PCDHGA7: variants seen among roughly 807,000 people sequenced by gnomAD.
The protein encoded by PCDHGA7 is protocadherin gamma subfamily A, 7.
A neutral mutation model predicts 58.3 loss-of-function variants in PCDHGA7; 44 were observed. That is an observed-to-expected ratio of 0.75 (90% CI 0.59 to 0.97). The LOEUF (loss-of-function observed/expected upper bound fraction) is 0.97. Among genes scored for constraint, PCDHGA7 ranks in the 50% least tolerant of loss-of-function variants. The pLI is 0.00. For synonymous variants in PCDHGA7, 516 were observed against 504.2 expected, an observed-to-expected ratio of 1.02 and a Z score of -0.31; for missense variants, 1,266 against 1,188.7, an observed-to-expected ratio of 1.06 and a Z score of -0.96.
chr5:141,398,858 G>C, intron 1 of PCDHGA7: 2 of 1,613,986 alleles, frequency 1.2e-6, no homozygotes, highest in Non-Finnish European at 1.7e-6. Flanking sequence ...GTATTCAACC[G>C]AGACGTGTAC....
intron 1 of PCDHGA7, chr5:141,393,329 C>T: frequency 6.2e-7 from 1 of 1,611,240 alleles, no homozygotes; most frequent in South Asian, 1.1e-5. Flanking sequence ...GCTACCAGCT[C>T]AGCCCCAATC....
chr5:141,420,920 A>G, intron 1 of PCDHGA7: 1 of 338,894 alleles, frequency 3.0e-6, no homozygotes, highest in Middle Eastern at 8.3e-4. Flanking sequence ...GTGATTCACA[A>G]AGGTGAGCGT....
chr5:141,419,494 T>A, intron 1 of PCDHGA7: 1 of 1,612,380 alleles, frequency 6.2e-7, no homozygotes, highest in Non-Finnish European at 8.5e-7. Context: ...TCAGCGCCAA[T>A]GTGAGCCTGC....
chr5:141,397,841 C>A (rs996938995), intron 1 of PCDHGA7: 31 of 520,424 alleles, frequency 6.0e-5, no homozygotes, highest in Middle Eastern at 4.9e-4. Context: ...AACTTGAAGC[C>A]GCAGAGGCTG....
At chr5:141,423,821 C>A (rs2096784513) in intron 1 of PCDHGA7, 1 of 1,272,728 alleles carries the variant, frequency 7.9e-7, no homozygotes, top group Admixed American at 3.9e-5. Context: ...TTTACTTTGC[C>A]TTTCATGAGA....
At chr5:141,442,754 T>C (rs2098341364) in intron 1 of PCDHGA7, among the ~76,000 whole-genome samples, 1 of 152,220 alleles carries the variant, frequency 6.6e-6, no homozygotes, top group Non-Finnish European at 1.5e-5. Flanking sequence ...GTTTTGATTA[T>C]ATATATTTGT....
chr5:141,394,174 A>T, intron 1 of PCDHGA7: 1 of 1,613,824 alleles, frequency 6.2e-7, no homozygotes, highest in Non-Finnish European at 8.5e-7. Flanking sequence ...ACTTTCCCTC[A>T]TGCCTCCTAC....
At chr5:141,388,376 C>T in intron 1 of PCDHGA7, 3 of 1,613,944 alleles carry the variant, frequency 1.9e-6, no homozygotes, top group Non-Finnish European at 2.5e-6. Context: ...ATATTGGTAG[C>T]AACACACTGC....
Position 141,476,990 on chromosome 5 carries a change from C to T in PCDHGA7, c.2425-17817C>T, listed in dbSNP as rs2099402882. ...CGGCAGCCACAACCGCGCCGGCGTGCGGCAACTATTCGCCTTAGACCTTGT... is the reference window on the plus strand; with the variant it reads ...CGGCAGCCACAACCGCGCCGGCGTGTGGCAACTATTCGCCTTAGACCTTGT... On this transcript the variant is annotated intron_variant, in intron 1 of 3. Coordinates refer to ENST00000518325, the MANE Select transcript of PCDHGA7 (RefSeq NM_018920.4). The surrounding 1 kb of genome is among the most constrained non-coding windows in gnomAD (Gnocchi z 7.6). 6.2e-7 allele frequency: 1 copy of T among 1,614,220 alleles called. No individual in the cohort carries two copies. The highest frequency in any genetic ancestry group is 8.5e-7 in the Non-Finnish European group (1 of 1,180,046).
rs757663132 is a variant in PCDHGA7 at position 141,510,991 on chromosome 5, A to G, written c.2617A>G (p.Met873Val). ...CACCCTGGGAGGGGGTGCCGGCACC[A>G]TGGGATTGAGCGCCCGCTACGGACC... is the stretch of plus-strand genomic sequence containing the variant. ...SSTLGGGAGT[M>V]GLSARYGPQF... is the part of the protein sequence containing the mutation. Residue 873 changes from methionine (M) to valine (V), a missense_variant, in exon 4 of 4, where the codon ATG becomes GTG. Coordinates refer to ENST00000518325, the MANE Select transcript of PCDHGA7 (RefSeq NM_018920.4). 1.2e-6 allele frequency: 2 copies of G among 1,614,136 alleles called. No individual in the cohort carries two copies. Among genetic ancestry groups the G allele is most frequent in the Admixed American group, 3.3e-5 (2 of 60,022 alleles).
chr5:141,391,230 G>C (rs2092321546), intron 1 of PCDHGA7: 1 of 152,026 alleles, frequency 6.6e-6, no homozygotes, highest in Non-Finnish European at 1.5e-5. Flanking sequence ...TGAGCCTTTT[G>C]CTAGGTATAT....
chr5:141,496,342 G>A (rs1430202202), intron 2 of PCDHGA7, among the ~76,000 whole-genome samples: 1 of 152,208 alleles, frequency 6.6e-6, no homozygotes, highest in East Asian at 1.9e-4. Context: ...GAGCCTGGAG[G>A]AGTCTCAGAG....
intron 1 of PCDHGA7, chr5:141,393,590 G>A: frequency 1.2e-6 from 2 of 1,613,896 alleles, no homozygotes; most frequent in South Asian, 2.2e-5. Flanking sequence ...CCCCAGGCAC[G>A]CGGCTGCTTA....
intron 2 of PCDHGA7, among the ~76,000 whole-genome samples, chr5:141,500,779 T>C (rs1222392685): frequency 1.3e-5 from 2 of 152,238 alleles, no homozygotes; most frequent in Non-Finnish European, 2.9e-5. Context: ...TGAATATACA[T>C]ATTATTTTAC....
At chr5:141,484,451 T>G (rs2099596635) in intron 1 of PCDHGA7, among the ~76,000 whole-genome samples, 2 of 152,264 alleles carry the variant, frequency 1.3e-5, no homozygotes, top group South Asian at 4.1e-4. Flanking sequence ...TTTAATTGGC[T>G]ACGTTAATGT....
chr5:141,399,890 T>A, intron 1 of PCDHGA7: 1 of 1,612,638 alleles, frequency 6.2e-7, no homozygotes, highest in South Asian at 1.1e-5. Context: ...ACCAAGGTAG[T>A]GGCCGTGGAC....
At chr5:141,405,203 C>A in intron 1 of PCDHGA7, 2 of 1,613,520 alleles carry the variant, frequency 1.2e-6, no homozygotes, top group Non-Finnish European at 1.7e-6. Flanking sequence ...AGCTTTCCTA[C>A]AGACCTATTC....
intron 1 of PCDHGA7, chr5:141,426,610 C>G (rs1376781969): frequency 2.6e-6 from 1 of 382,832 alleles, no homozygotes; most frequent in Non-Finnish European, 5.3e-6. Context: ...GAGATTGTAG[C>G]AGAGAATCCT....
chr5:141,386,911 G>A (rs1312159511), intron 1 of PCDHGA7, among the ~76,000 whole-genome samples: 2 of 152,190 alleles, frequency 1.3e-5, no homozygotes, highest in South Asian at 2.1e-4. Flanking sequence ...AGGTCACCAA[G>A]GAATGTAAAA....
Sources: allele counts gnomAD v4.1 joint callset (sites outside exome capture counted in the v4.1 genomes callset), GRCh38; gene constraint gnomAD v4.1.1; non-coding constraint Gnocchi (gnomAD v3.1); transcripts MANE v1.5; gene names NCBI Gene and HGNC (gene_info 2026-07-23, HGNC 2026-07-21).